PANK2: variants seen among roughly 807,000 people sequenced by gnomAD.
PANK2 encodes pantothenate kinase 2, also known as pantothenate kinase 2, mitochondrial.
A neutral mutation model predicts 43.1 loss-of-function variants in PANK2; 36 were observed. The observed-to-expected ratio is 0.84, with a 90% CI of 0.64 to 1.10. PANK2 has a LOEUF of 1.10. PANK2 is among the 50% of genes least tolerant of loss of function. The pLI, the probability that PANK2 is intolerant of heterozygous loss-of-function variation, is 0.00. For synonymous variants in PANK2, 281 were observed against 238.2 expected (o/e 1.18, Z -1.66); for missense variants, 576 against 593.3 (o/e 0.97, Z 0.30).
chr20:3,895,661 A>G (rs1430414443), intron 1 of PANK2, among the ~76,000 whole-genome samples: 1 of 152,116 alleles, frequency 6.6e-6, no homozygotes, highest in Admixed American at 6.6e-5. Flanking sequence ...TCTCAGGTTC[A>G]TAATTTGGGG....
Position 3,918,788 on chromosome 20 carries a change from G to A in PANK2, c.1324G>A (p.Glu442Lys), listed in dbSNP as rs976171442. Residue 442 changes from glutamate to lysine, a missense_variant, in exon 6 of 7, where the codon GAA (glutamate) becomes AAA (lysine). Physicochemically the swap from Glu to Lys is moderately conservative, Grantham distance 56 (BLOSUM62 1). Around this residue, in one of 2 missense-constraint regions of PANK2, gnomAD observed 32 missense variants for 64.3 expected, o/e 0.50. Coordinates refer to ENST00000610179, the MANE Select transcript of PANK2 (RefSeq NM_001386393.1). ...GGGGCAGTTGAAAGCACTTTTTTCGGAACACGAGGTAAGCTGACTTGTTCG... is the reference window on the plus strand; with the variant it reads ...GGGGCAGTTGAAAGCACTTTTTTCGAAACACGAGGTAAGCTGACTTGTTCG... 1 of 1,614,062 alleles carries A rather than the reference G, an allele frequency of 6.2e-7. No individual in the cohort carries two copies. The highest frequency in any genetic ancestry group is 1.3e-5 in the African/African-American group (1 of 74,930).
intron 3 of PANK2, among the ~76,000 whole-genome samples, chr20:3,911,433 A>AT (rs2090466898): frequency 6.7e-6 from 1 of 149,040 alleles, no homozygotes; most frequent in Non-Finnish European, 1.5e-5. Context: ...AAATACAAAA[A>AT]TTAGCCGGGC....
chr20:3,913,760 G>GCACACACA (rs766867978), intron 4 of PANK2, among the ~76,000 whole-genome samples: 1 of 130,072 alleles, frequency 7.7e-6, no homozygotes, highest in South Asian at 2.7e-4. Flanking sequence ...TTGTATGTAT[G>GCACACACA]CACACACACA....
upstream of PANK2, chr20:3,888,922 C>T (rs1246685478): frequency 3.5e-6 from 2 of 577,978 alleles, no homozygotes; most frequent in South Asian, 2.4e-5. Context: ...GCGGTTCAAG[C>T]CCTTTCGTCT....
chr20:3,916,915 C>T lies in PANK2; in HGVS notation c.1083-12C>T. 1.9e-6 allele frequency: 3 copies of T among 1,613,034 alleles called. No individual in the cohort carries two copies. The highest frequency in any genetic ancestry group is 2.5e-6 in the Non-Finnish European group (3 of 1,179,758). Reference sequence around the variant, plus strand: ...TTGGTTTAGCAATGGGATTTTTTTTCCCCCATCACAGCTTTGGAAACATGA... The same window carrying T: ...TTGGTTTAGCAATGGGATTTTTTTTTCCCCATCACAGCTTTGGAAACATGA... On this transcript the variant is annotated splice_polypyrimidine_tract_variant and intron_variant, in intron 4 of 6. Coordinates refer to ENST00000610179, the MANE Select transcript of PANK2 (RefSeq NM_001386393.1).
intron 1 of PANK2, among the ~76,000 whole-genome samples, chr20:3,906,908 C>T (rs965438598): frequency 1.3e-5 from 2 of 151,552 alleles, no homozygotes; most frequent in South Asian, 4.2e-4. Flanking sequence ...AAGCGATTCT[C>T]CTGCCTCAGC....
intron 1 of PANK2, among the ~76,000 whole-genome samples, chr20:3,900,855 G>T (rs4815623): frequency 0.52 from 78,914 of 151,512 alleles, 21,194 homozygotes; most frequent in East Asian, 0.67. Flanking sequence ...TGCAACCTCT[G>T]CCTCCTGGGT....
At position 3,916,955 on chromosome 20, in the gene PANK2, CGAG is replaced by C. The variant is rs766251466; in HGVS notation, c.1112_1114del (p.Arg371_Glu372delinsGln). On this transcript the variant is annotated inframe_deletion, in exon 5 of 7. Coordinates refer to ENST00000610179, the MANE Select transcript of PANK2 (RefSeq NM_001386393.1). ...TGGAAACATGATGAGCAAGGAGAAG[CGAG>C]AGGCTGTCAGTAAAGAGGACCTGGC... 3.0e-5 allele frequency: 49 copies of C among 1,613,864 alleles called. No homozygotes were observed. The highest frequency in any genetic ancestry group is 4.1e-5 in the Non-Finnish European group (48 of 1,180,006).
At chr20:3,900,393 C>T (rs1344107912) in intron 1 of PANK2, among the ~76,000 whole-genome samples, 1 of 151,468 alleles carries the variant, frequency 6.6e-6, no homozygotes, top group East Asian at 1.9e-4. Flanking sequence ...CAAGGTATGA[C>T]CTTTACTGTA....
intron 1 of PANK2, among the ~76,000 whole-genome samples, chr20:3,896,743 G>A (rs2090215702): frequency 6.6e-6 from 1 of 152,188 alleles, no homozygotes; most frequent in South Asian, 2.1e-4. Flanking sequence ...GAGGTTCCAG[G>A]AGGGTGCAGT....
chr20:3,908,421 A>G, intron 2 of PANK2, 143 bp downstream of exon 2: 2 of 836,332 alleles, frequency 2.4e-6, no homozygotes, highest in Admixed American at 4.7e-5. Flanking sequence ...CGCTAGTGAT[A>G]GGAGTTGGCC....
At chr20:3,890,066 C>T in intron 1 of PANK2, 1 of 621,230 alleles carries the variant, frequency 1.6e-6, no homozygotes, top group Non-Finnish European at 2.5e-6. Flanking sequence ...GACTCATTTC[C>T]ACCTCCTTTC....
intron 5 of PANK2, among the ~76,000 whole-genome samples, chr20:3,918,280 G>T (rs970133358): frequency 1.3e-5 from 2 of 151,936 alleles, no homozygotes; most frequent in Non-Finnish European, 2.9e-5. Flanking sequence ...GATGACTAGT[G>T]GTTTGAATTT....
chr20:3,906,836 G>T (rs1420253649), intron 1 of PANK2, among the ~76,000 whole-genome samples: 4 of 152,016 alleles, frequency 2.6e-5, no homozygotes, highest in Non-Finnish European at 2.9e-5. Flanking sequence ...GTGTCACTCT[G>T]TCGCCAGGCT....
At chr20:3,900,273 A>G (rs1178265253) in intron 1 of PANK2, among the ~76,000 whole-genome samples, 5 of 151,834 alleles carry the variant, frequency 3.3e-5, no homozygotes, top group Non-Finnish European at 7.4e-5. Context: ...AGGGATGAGA[A>G]TGGTGACTCT....
At chr20:3,888,802 T>TCC (rs1365582580), upstream of PANK2, 1 of 404,514 alleles carries the variant, frequency 2.5e-6, no homozygotes, top group Non-Finnish European at 4.5e-6. Context: ...TACCTCTCTC[T>TCC]CCAACGCAGG....
intron 1 of PANK2, among the ~76,000 whole-genome samples, chr20:3,899,967 G>A (rs1338423953): frequency 6.6e-6 from 1 of 151,762 alleles, no homozygotes; most frequent in African/African-American, 2.4e-5. Context: ...GCCTCCCAAT[G>A]TGCTGGGATT....
Position 3,908,167 on chromosome 20 carries a change from T to C in PANK2, c.540T>C (p.His180=), listed in dbSNP as rs1456099608. The C allele has an allele frequency of 5.0e-6, 8 of 1,614,214 alleles. No homozygotes were observed. Among genetic ancestry groups the C allele is most frequent in the East Asian group, 4.5e-5 (2 of 44,892 alleles). ...TGCACTTTATACGCTTTCCCACTCA[T>C]GACATGCCTGCTTTTATTCAAATGG... is the stretch of plus-strand genomic sequence containing the variant. Residue 180 remains histidine, a synonymous_variant, in exon 2 of 7, where the codon CAT becomes CAC. Coordinates refer to ENST00000610179, the MANE Select transcript of PANK2 (RefSeq NM_001386393.1).
upstream of PANK2, chr20:3,889,060 G>T: frequency 6.8e-7 from 1 of 1,480,568 alleles, no homozygotes; most frequent in Non-Finnish European, 9.1e-7. Flanking sequence ...GGCCCGGGGG[G>T]GCAGAGGCAT....
Sources: gnomAD v4.1 joint callset for allele counts (sites outside exome capture counted in the v4.1 genomes callset) on GRCh38, gnomAD v4.1.1 for gene constraint, gnomAD v4.1.1 regional missense constraint, MANE v1.5 for transcripts, NCBI Gene and HGNC (gene_info 2026-07-23, HGNC 2026-07-21) for gene names.